The following TTC16 variants were observed in gnomAD, a reference collection of about 807,000 sequenced individuals.
TTC16 encodes the protein tetratricopeptide repeat domain 16, also known as tetratricopeptide repeat protein 16.
Under a neutral mutation model 80.4 loss-of-function variants are expected in TTC16, and 66 were observed. The observed-to-expected ratio is 0.82, with a 90% CI of 0.67 to 1.01. The LOEUF (loss-of-function observed/expected upper bound fraction) is 1.01. Among genes scored for constraint, TTC16 ranks in the 50% least tolerant of loss-of-function variants. The pLI, the probability that TTC16 is intolerant of heterozygous loss-of-function variation, is 0.00. For synonymous variants in TTC16, 438 were observed against 451.3 expected, an observed-to-expected ratio of 0.97 and a Z score of 0.37; for missense variants, 1,070 against 1,103.2, an observed-to-expected ratio of 0.97 and a Z score of 0.43.
Position 127,722,969 on chromosome 9 carries a change from A to C in TTC16, c.658-150A>C. 2.5e-6 allele frequency: 1 copy of C among 394,474 alleles called. No homozygotes were observed. The highest frequency in any genetic ancestry group is 4.0e-6 in the Non-Finnish European group (1 of 250,254). 24.4% of individuals were successfully genotyped at this position (394,474 alleles called of 1,614,324 possible). On this transcript the variant is annotated intron_variant, in intron 6 of 13. Coordinates refer to ENST00000373289, the MANE Select transcript of TTC16 (RefSeq NM_144965.3). The surrounding 1 kb of genome is among the most constrained non-coding windows in gnomAD (Gnocchi z 4.2). Reference sequence around the variant, plus strand: ...GGTGACAGAGTGAGAATCCATCTCAAAAAAAAAAAAAAAGCAGAAAGGGTG... The same window carrying C: ...GGTGACAGAGTGAGAATCCATCTCACAAAAAAAAAAAAAGCAGAAAGGGTG...
intron 7 of TTC16, 66 bp downstream of exon 7, chr9:127,723,399 TAAG>T (rs1843655875): frequency 8.0e-6 from 12 of 1,500,142 alleles, no homozygotes; most frequent in South Asian, 1.2e-5. Flanking sequence ...CTGTGTGGTT[TAAG>T]GAGAGTCCCT....
At chr9:127,726,469 C>T (rs1303921765) in intron 10 of TTC16, 65 bp downstream of exon 10, 10 of 1,442,930 alleles carry the variant, frequency 6.9e-6, no homozygotes, top group Non-Finnish European at 8.3e-6. Flanking sequence ...AGATACTCCT[C>T]GGCCCCCAAA....
rs202122084 is a variant in TTC16 at position 127,724,362 on chromosome 9, G to T, written c.1115G>T (p.Gly372Val). 84 of 1,612,280 alleles carry T rather than the reference G, an allele frequency of 5.2e-5. No individual in the cohort carries two copies. The highest frequency in any genetic ancestry group is 1.7e-4 in the Middle Eastern group (1 of 6,058). The change falls in exon 8 of 14, where the codon GGC (glycine) becomes GTC (valine). Residue 372 changes from glycine (G) to valine (V), a missense_variant and splice_region_variant. Gly to Val is a moderately radical substitution (Grantham distance 109). Coordinates refer to ENST00000373289, the MANE Select transcript of TTC16 (RefSeq NM_144965.3). ...GAGAAAGGACTCTACATCAACCGAG[G>T]CGGTGCGCAGCGACCAGGGCACTGG... is the stretch of plus-strand genomic sequence containing the variant. Reference protein sequence around the residue: ...QQEKGLYINRGDCFFQLGNLA... With the variant: ...QQEKGLYINRVDCFFQLGNLA...
chr9:127,724,392 G>C (rs372579299), intron 8 of TTC16, 28 bp downstream of exon 8: 15 of 1,605,536 alleles, frequency 9.3e-6, no homozygotes, highest in African/African-American at 1.3e-5. Context: ...CACTGGGGAG[G>C]GGGGGTGCGG....
intron 9 of TTC16, among the ~76,000 whole-genome samples, chr9:127,725,530 C>T (rs1325586286): frequency 1.5e-5 from 2 of 129,876 alleles, no homozygotes; most frequent in African/African-American, 2.9e-5. Context: ...AGCCACTGCA[C>T]TCCAGCCTGG....
At chr9:127,717,523 C>T in intron 3 of TTC16, 99 bp downstream of exon 3, 4 of 1,574,910 alleles carry the variant, frequency 2.5e-6, no homozygotes, top group Middle Eastern at 1.7e-4. Flanking sequence ...CCACCAAGTC[C>T]CTGATGGGAA....
In TTC16 at chr9:127,724,824, C is replaced by T; in HGVS notation, c.1186C>T (p.Pro396Ser). 6.2e-7 allele frequency: 1 copy of T among 1,606,694 alleles called. No individual in the cohort carries two copies. The highest frequency in any genetic ancestry group is 8.5e-7 in the Non-Finnish European group (1 of 1,177,480). Residue 396 changes from proline to serine, a missense_variant, in exon 9 of 14, where the codon CCT becomes TCT. Coordinates refer to ENST00000373289, the MANE Select transcript of TTC16 (RefSeq NM_144965.3). Reference sequence around the variant, plus strand: ...CTACCAGCAGGCGCTGGCGCTGAGCCCTCAGGACGAGGGCGCCAACACGCG... The same window carrying T: ...CTACCAGCAGGCGCTGGCGCTGAGCTCTCAGGACGAGGGCGCCAACACGCG... ...ADYQQALALS[P>S]QDEGANTRMG...
At chr9:127,716,776 T>C in intron 1 of TTC16, 68 bp from the exon 2 acceptor site, 1 of 1,540,156 alleles carries the variant, frequency 6.5e-7, no homozygotes, top group Non-Finnish European at 8.8e-7. Flanking sequence ...TGCAGAATGC[T>C]GGGGAGTGTG....
intron 4 of TTC16, 52 bp from the exon 5 acceptor site, chr9:127,720,026 G>T: frequency 6.5e-7 from 1 of 1,536,888 alleles, no homozygotes. Flanking sequence ...CAACTGGGGG[G>T]TGCAGCTGGG....
In TTC16 at chr9:127,717,028, C is replaced by G; in HGVS notation, c.191+12C>G. The G allele has an allele frequency of 3.7e-6, 6 of 1,608,962 alleles. No homozygotes were observed. The highest frequency in any genetic ancestry group is 4.3e-6 in the Non-Finnish European group (5 of 1,175,754). On this transcript the variant is annotated intron_variant, in intron 2 of 13. Coordinates refer to ENST00000373289, the MANE Select transcript of TTC16 (RefSeq NM_144965.3). ...AAAGTCAGGGAATAGTGAGTGACTA[C>G]CTTGCTTTGGGGTCCCAGGTTCCTG...
At chr9:127,727,645 G>T (rs1174876426) in intron 12 of TTC16, 180 bp downstream of exon 12, 1 of 1,318,440 alleles carries the variant, frequency 7.6e-7, no homozygotes, top group Admixed American at 3.0e-5. Context: ...CCAGCAAGGG[G>T]TGCTCCTGAC....
chr9:127,721,763 G>T (rs899565100), intron 6 of TTC16, among the ~76,000 whole-genome samples: 2 of 151,998 alleles, frequency 1.3e-5, no homozygotes, highest in African/African-American at 4.8e-5. Flanking sequence ...GAGTGCAGTG[G>T]CGAGATCTCG....
In TTC16 at chr9:127,727,351, G is replaced by A. The variant is rs762198036; in HGVS notation, c.1650G>A (p.Ala550=). Residue 550 remains alanine (A), a synonymous_variant, in exon 12 of 14, where the codon GCG becomes GCA. Transcript: ENST00000373289. ...HSWKQGEPLI[A]TSEELKATPE... ...GGAAGCAGGGGGAGCCTTTGATTGC[G>A]ACCTCCGAGGAGCTGAAGGCCACCC... 1.5e-5 allele frequency: 24 copies of A among 1,607,168 alleles called. No homozygotes were observed. Among genetic ancestry groups the A allele is most frequent in the South Asian group, 4.4e-5 (4 of 90,856 alleles).
intron 13 of TTC16, chr9:127,730,295 T>C (rs1205032527): frequency 5.6e-6 from 2 of 357,296 alleles, no homozygotes; most frequent in South Asian, 7.8e-5. Context: ...CGCCTTTTAG[T>C]GGGGACGAGG....
chr9:127,724,108 C>CG lies in TTC16; in HGVS notation c.873-12_873-11insG, dbSNP rs976837807. The CG allele has an allele frequency of 5.0e-6, 8 of 1,596,052 alleles. No individual in the cohort carries two copies. Among genetic ancestry groups the CG allele is most frequent in the Admixed American group, 3.4e-5 (2 of 58,728 alleles). ...ATGTCCCTCCTGCCGTCTCCCACGC[C>CG]CCCCCCGACAGGGGCACCATGTACC... On this transcript the variant is annotated splice_polypyrimidine_tract_variant and intron_variant, in intron 7 of 13. Coordinates refer to ENST00000373289, the MANE Select transcript of TTC16 (RefSeq NM_144965.3).
Position 127,716,134 on chromosome 9 carries a change from G to C in TTC16, c.-12G>C. The C allele has an allele frequency of 6.2e-7, 1 of 1,613,994 alleles. No homozygotes were observed. The highest frequency in any genetic ancestry group is 1.1e-5 in the South Asian group (1 of 91,088). On this transcript the variant is annotated 5_prime_UTR_variant, in exon 1 of 14. Coordinates refer to ENST00000373289, the MANE Select transcript of TTC16 (RefSeq NM_144965.3). ...TTGGCAGAGGCCTCGGGGTCCTCCT[G>C]GAAGGGGCCTCATGACAGATTCGGA...
Position 127,717,432 on chromosome 9 carries a change from G to A in TTC16, c.282+8G>A. On this transcript the variant is annotated splice_region_variant and intron_variant, in intron 3 of 13. Transcript: ENST00000373289. ...CACCTGGACCCACAGCTGGTGAGAG[G>A]CAGACCTGGGTGGGCACAGGCAGTT... 4 of 1,609,382 alleles carry A rather than the reference G, an allele frequency of 2.5e-6. No individual in the cohort carries two copies. Among genetic ancestry groups the A allele is most frequent in the Non-Finnish European group, 3.4e-6 (4 of 1,176,896 alleles).
rs1843333878 is a variant in TTC16, at chr9:127,720,167, C to T, written c.516C>T (p.Phe172=). 2 of 1,613,666 alleles carry T rather than the reference C, an allele frequency of 1.2e-6. No individual in the cohort carries two copies. The highest frequency in any genetic ancestry group is 2.7e-5 in the African/African-American group (2 of 74,898). The change falls in exon 5 of 14, where the codon TTC becomes TTT. Residue 172 remains phenylalanine (F), a synonymous_variant. Transcript: ENST00000373289. ...AAELQPEKPC[F]RYRCMACLLA... is the part of the protein sequence containing the mutation. ...AGCTCCAGCCTGAGAAACCATGCTT[C>T]CGTTACCGATGGTGAGTGCCCCTGC...
rs1234491228 is a variant in TTC16, at chr9:127,722,999, A to G, written c.658-120A>G. The G allele has an allele frequency of 2.4e-5, 22 of 928,766 alleles. No homozygotes were observed. Among genetic ancestry groups the G allele is most frequent in the Non-Finnish European group, 3.2e-5 (20 of 619,686 alleles). 57.5% of individuals were successfully genotyped at this position (928,766 alleles called of 1,614,324 possible). On this transcript the variant is annotated intron_variant, in intron 6 of 13. Coordinates refer to ENST00000373289, the MANE Select transcript of TTC16 (RefSeq NM_144965.3). This position sits in a 1 kb window ranked among gnomAD's most constrained non-coding sequence, Gnocchi z 4.2. ...AAAAAAAAAGCAGAAAGGGTGGAAC[A>G]TGGAGGGATGTGAGGGGCACGGAGG...
Sources: gnomAD v4.1 joint callset for allele counts (sites outside exome capture counted in the v4.1 genomes callset) on GRCh38, gnomAD v4.1.1 for gene constraint, Gnocchi (gnomAD v3.1) non-coding constraint, MANE v1.5 for transcripts, NCBI Gene and HGNC (gene_info 2026-07-23, HGNC 2026-07-21) for gene names.